PCDH15: variants seen among roughly 807,000 people sequenced by gnomAD.
PCDH15 encodes protocadherin-15.
Under a neutral mutation model 178.5 loss-of-function variants are expected in PCDH15, and 129 were observed. The ratio of observed to expected loss-of-function variants is 0.72; its 90% CI spans 0.63 to 0.84. PCDH15 has a LOEUF of 0.84. Among genes scored for constraint, PCDH15 ranks in the 40% least tolerant of loss-of-function variants. The probability of loss-of-function intolerance (pLI) is 0.00; values close to 1 mark genes in which losing one functional copy is unlikely to be tolerated. For missense variants in PCDH15, 2,230 were observed against 2,099.9 expected (o/e 1.06, Z -1.21); for synonymous variants, 800 against 732.0 (o/e 1.09, Z -1.50).
intron 2 of PCDH15, among the ~76,000 whole-genome samples, chr10:55,144,072 T>C (rs1000316936): frequency 7.2e-5 from 11 of 151,950 alleles, no homozygotes; most frequent in African/African-American, 2.7e-4. Context: ...AGAAGTTTGA[T>C]GACTGGGCAC....
At chr10:54,343,786 A>G (rs1349346379) in intron 6 of PCDH15, among the ~76,000 whole-genome samples, 3 of 152,078 alleles carry the variant, frequency 2.0e-5, no homozygotes, top group African/African-American at 4.8e-5. Flanking sequence ...CCTAGAACTT[A>G]AAGTAAAATA....
chr10:55,461,970 CG>C (rs1839689117), intron 2 of PCDH15, among the ~76,000 whole-genome samples: 1 of 151,990 alleles, frequency 6.6e-6, no homozygotes, highest in African/African-American at 2.4e-5. Context: ...TTAGAGAATT[CG>C]GTCACACCCA....
chr10:54,369,296 CT>C, intron 4 of PCDH15, 21 bp from the exon 5 acceptor site: 1 of 1,609,936 alleles, frequency 6.2e-7, no homozygotes, highest in Non-Finnish European at 8.5e-7. Context: ...GAAATTGCAT[CT>C]TTTAAAATAC....
chr10:55,434,214 C>T (rs1214640031), intron 2 of PCDH15, among the ~76,000 whole-genome samples: 1 of 150,594 alleles, frequency 6.6e-6, no homozygotes, highest in East Asian at 2.0e-4. Flanking sequence ...CCTACAGGCG[C>T]CTGCCGCCAC....
intron 2 of PCDH15, among the ~76,000 whole-genome samples, chr10:54,651,010 G>A (rs1209055843): frequency 6.6e-6 from 1 of 151,976 alleles, no homozygotes; most frequent in Non-Finnish European, 1.5e-5. Flanking sequence ...TACAATCAGT[G>A]GCAAAAAAGT....
At chr10:54,172,215 A>G (rs1168790972) in intron 13 of PCDH15, among the ~76,000 whole-genome samples, 1 of 152,094 alleles carries the variant, frequency 6.6e-6, no homozygotes, top group African/African-American at 2.4e-5. Context: ...GTAAATGGCC[A>G]GTCCTTGCCT....
chr10:55,601,396 G>A (rs933475654), intron 2 of PCDH15, among the ~76,000 whole-genome samples: 6 of 152,186 alleles, frequency 3.9e-5, no homozygotes, highest in African/African-American at 1.4e-4. Flanking sequence ...TGAAATGTGT[G>A]AATTTGGTGG....
At position 54,454,457 on chromosome 10, in the gene PCDH15, AT is replaced by A. The variant is rs930255585; in HGVS notation, c.157+73354del. Reference sequence around the variant, plus strand: ...TAATATTTATTGTTAATTTTAATTAATTTTTAATTAATAATTAAAATTATTA... The same window carrying A: ...TAATATTTATTGTTAATTTTAATTAATTTTAATTAATAATTAAAATTATTA... On this transcript the variant is annotated intron_variant, in intron 3 of 37. Coordinates refer to ENST00000644397, the MANE Select transcript of PCDH15 (RefSeq NM_001384140.1). Among the ~76,000 whole-genome samples the A allele has an allele frequency of 4.7e-5, 7 of 148,978 alleles. No individual in the cohort carries two copies. In the East Asian group the frequency reaches 7.8e-4, roughly 17 times the overall value.
chr10:54,298,747 T>C (rs1336401328), intron 8 of PCDH15, among the ~76,000 whole-genome samples: 2 of 152,190 alleles, frequency 1.3e-5, no homozygotes, highest in African/African-American at 4.8e-5. Context: ...GACCAGGAAA[T>C]TGACTTCCTC....
At chr10:53,967,566 C>T (rs2089177685) in intron 21 of PCDH15, among the ~76,000 whole-genome samples, 1 of 152,114 alleles carries the variant, frequency 6.6e-6, no homozygotes, top group Non-Finnish European at 1.5e-5. Context: ...ACCACTGCAC[C>T]TGGCCTAGAC....
At chr10:54,595,011 C>G (rs11492307) in intron 2 of PCDH15, among the ~76,000 whole-genome samples, 22,690 of 152,188 alleles carry the variant, frequency 0.15, 1,916 homozygotes, top group Non-Finnish European at 0.18. Context: ...ACACCAGCAC[C>G]AGTACAAATG....
intron 37 of PCDH15, chr10:53,808,728 T>C: frequency 1.2e-6 from 2 of 1,613,138 alleles, no homozygotes. Flanking sequence ...AGTTTGCTCC[T>C]GGCGACTTCT....
intron 1 of PCDH15, among the ~76,000 whole-genome samples, chr10:55,179,532 C>A (rs1169957171): frequency 3.3e-5 from 5 of 149,354 alleles, no homozygotes. Context: ...TGCTCATGGA[C>A]AATTCAGCAC....
At chr10:55,412,397 G>A (rs1055331349) in intron 2 of PCDH15, among the ~76,000 whole-genome samples, 1 of 151,964 alleles carries the variant, frequency 6.6e-6, no homozygotes, top group Non-Finnish European at 1.5e-5. Context: ...CTTAGAAACT[G>A]TACCTAGAAT....
chr10:55,213,915 T>C (rs967524345), intron 1 of PCDH15, among the ~76,000 whole-genome samples: 1 of 151,938 alleles, frequency 6.6e-6, no homozygotes, highest in Admixed American at 6.6e-5. Flanking sequence ...AGTATAAACA[T>C]TAAAAATCAA....
At chr10:55,250,592 A>G (rs921187857) in intron 1 of PCDH15, among the ~76,000 whole-genome samples, 2 of 133,344 alleles carry the variant, frequency 1.5e-5, no homozygotes, top group African/African-American at 2.9e-5. Flanking sequence ...GCTGGAGTGC[A>G]GTGGTGTGAT....
chr10:55,282,170 GTAAGACTCTGTACCTCAC>G (rs1842751482), intron 1 of PCDH15, among the ~76,000 whole-genome samples: 1 of 152,130 alleles, frequency 6.6e-6, no homozygotes, highest in Non-Finnish European at 1.5e-5. Flanking sequence ...AATACTGTTT[GTAAGACTCTGTACCTCAC>G]TTCCTGACCT....
At chr10:55,166,244 A>G (rs922473189) in intron 2 of PCDH15, among the ~76,000 whole-genome samples, 5 of 152,120 alleles carry the variant, frequency 3.3e-5, no homozygotes, top group Admixed American at 6.6e-5. Context: ...TTACTGCCAG[A>G]ATGTTCTCTC....
At chr10:54,776,578 G>C (rs1949732377) in intron 1 of PCDH15, among the ~76,000 whole-genome samples, 1 of 152,102 alleles carries the variant, frequency 6.6e-6, no homozygotes, top group Non-Finnish European at 1.5e-5. Flanking sequence ...TGAATGTGGA[G>C]GAAAAGAACA....
Sources: gnomAD v4.1 joint callset for allele counts (sites outside exome capture counted in the v4.1 genomes callset) on GRCh38, gnomAD v4.1.1 for gene constraint, MANE v1.5 for transcripts, NCBI Gene and HGNC (gene_info 2026-07-23, HGNC 2026-07-21) for gene names.